The following RALGAPA1 variants were observed in gnomAD, a reference collection of about 807,000 sequenced individuals.
The protein encoded by RALGAPA1 is ral GTPase-activating protein subunit alpha-1.
RALGAPA1 carries 52 observed loss-of-function variants against 269.6 expected under a neutral mutation model. The ratio of observed to expected loss-of-function variants is 0.19; its 90% CI spans 0.15 to 0.24. RALGAPA1 has a LOEUF of 0.24. Among genes scored for constraint, RALGAPA1 ranks in the 10% least tolerant of loss-of-function variants. RALGAPA1 has a pLI of 1.00. For missense variants in RALGAPA1, 1,917 were observed against 3,013.9 expected (o/e 0.64, Z 8.52); for synonymous variants, 817 against 1,008.3 (o/e 0.81, Z 3.60).
intron 35 of RALGAPA1, among the ~76,000 whole-genome samples, chr14:35,611,535 C>T (rs1013136831): frequency 6.6e-6 from 1 of 151,054 alleles, no homozygotes; most frequent in Non-Finnish European, 1.5e-5. Flanking sequence ...GAAAAACACC[C>T]AGCCTGGGCA....
At chr14:35,554,597 C>T (rs977562817) in intron 39 of RALGAPA1, among the ~76,000 whole-genome samples, 2 of 151,976 alleles carry the variant, frequency 1.3e-5, no homozygotes, top group East Asian at 3.9e-4. Flanking sequence ...CCGCCCGCCT[C>T]GGCCTCCCAA....
intron 17 of RALGAPA1, among the ~76,000 whole-genome samples, chr14:35,697,695 G>A (rs916195530): frequency 6.6e-6 from 1 of 151,426 alleles, no homozygotes; most frequent in Non-Finnish European, 1.5e-5. Context: ...CCTTTGGTAT[G>A]TTGATTTGCA....
chr14:35,754,593 T>C (rs2073012181), intron 7 of RALGAPA1, among the ~76,000 whole-genome samples: 1 of 152,182 alleles, frequency 6.6e-6, no homozygotes, highest in South Asian at 2.1e-4. Context: ...GTGAAGCAAT[T>C]GTATAAGTCT....
Position 35,627,944 on chromosome 14 carries a change from A to C in RALGAPA1, c.6003T>G (p.Thr2001=). Residue 2001 remains threonine (T), a synonymous_variant, in exon 34 of 42, where the codon ACT becomes ACG. Coordinates refer to ENST00000680220, the MANE Select transcript of RALGAPA1 (RefSeq NM_001346249.2). ...SKLQPVTEVK[T]QMQHGLISIA... Reference sequence around the variant, plus strand: ...TAGAGATTAATCCATGCTGCATTTGAGTTTTCACTGGAAATAAAAAATATA... The same window carrying C: ...TAGAGATTAATCCATGCTGCATTTGCGTTTTCACTGGAAATAAAAAATATA... The C allele has an allele frequency of 6.5e-7, 1 of 1,544,672 alleles. No individual in the cohort carries two copies.
Position 35,581,595 on chromosome 14 carries a change from G to A in RALGAPA1, c.7210-8877C>T, listed in dbSNP as rs79198029. Among the ~76,000 whole-genome samples the A allele has an allele frequency of 3.7e-3, 569 of 152,154 alleles. 2 individuals are homozygous for A. The highest frequency in any genetic ancestry group is 0.013 in the African/African-American group (540 of 41,538). On this transcript the variant is annotated intron_variant, in intron 37 of 41. Coordinates refer to ENST00000680220, the MANE Select transcript of RALGAPA1 (RefSeq NM_001346249.2). ...AGAGAAAATAAGACATTTCTCCAAA[G>A]AGTATATACAAATAGGCAATAAGCA...
At position 35,721,688 on chromosome 14, in the gene RALGAPA1, C is replaced by T. The variant is rs778071028; in HGVS notation, c.2266G>A (p.Ala756Thr). The change falls in exon 16 of 42, where the codon GCC (alanine) becomes ACC (threonine). Residue 756 changes from alanine (A) to threonine (T), a missense_variant and splice_region_variant. By Grantham distance (58) the Ala-to-Thr change is moderately conservative. Transcript: ENST00000680220. Reference sequence around the variant, plus strand: ...TCTCATGATTTTCAAGAGTACATACCGACAGTTTTTTGCCGTACTATACTC... The same window carrying T: ...TCTCATGATTTTCAAGAGTACATACTGACAGTTTTTTGCCGTACTATACTC... ...ARSIVRQKTVAMRSRSIGECA... is the reference protein window; with the variant it reads ...ARSIVRQKTVTMRSRSIGECA... 2.8e-5 allele frequency: 45 copies of T among 1,611,956 alleles called. No homozygotes were observed. The highest frequency in any genetic ancestry group is 2.2e-4 in the Admixed American group (13 of 59,870).
At chr14:35,721,871 CT>C in intron 15 of RALGAPA1, 22 bp from the exon 16 acceptor site, 2 of 1,597,370 alleles carry the variant, frequency 1.3e-6, no homozygotes, top group Non-Finnish European at 1.7e-6. Flanking sequence ...GATTTTCAAT[CT>C]CAATATACTG....
intron 37 of RALGAPA1, among the ~76,000 whole-genome samples, chr14:35,586,100 T>G (rs550334860): frequency 2.0e-5 from 3 of 152,324 alleles, no homozygotes; most frequent in Non-Finnish European, 4.4e-5. Flanking sequence ...AATGTTCTTC[T>G]ATTTGTTTGT....
At chr14:35,768,423 C>T (rs1463448957) in intron 4 of RALGAPA1, among the ~76,000 whole-genome samples, 1 of 152,152 alleles carries the variant, frequency 6.6e-6, no homozygotes, top group Non-Finnish European at 1.5e-5. Flanking sequence ...AGTATGATGG[C>T]TCACACCTGT....
At chr14:35,729,321 C>A (rs573738800) in intron 12 of RALGAPA1, among the ~76,000 whole-genome samples, 14 of 152,078 alleles carry the variant, frequency 9.2e-5, no homozygotes, top group African/African-American at 3.4e-4. Flanking sequence ...GCATTCAACA[C>A]TTATGACTGA....
intron 1 of RALGAPA1, among the ~76,000 whole-genome samples, chr14:35,790,821 T>G (rs1003042776): frequency 6.6e-6 from 1 of 152,180 alleles, no homozygotes; most frequent in Non-Finnish European, 1.5e-5. Flanking sequence ...CATATTAAAC[T>G]TTTTGTTAAA....
intron 12 of RALGAPA1, among the ~76,000 whole-genome samples, chr14:35,737,612 A>G (rs2141107949): frequency 6.6e-6 from 1 of 151,684 alleles, no homozygotes; most frequent in East Asian, 1.9e-4. Flanking sequence ...CAAAAAAATT[A>G]GCCAGGCGTG....
intron 1 of RALGAPA1, among the ~76,000 whole-genome samples, chr14:35,792,846 A>G (rs564055141): frequency 1.7e-4 from 24 of 141,058 alleles, no homozygotes; most frequent in Middle Eastern, 3.8e-3. Context: ...AAAGAAAGAT[A>G]GATTGTGACA....
intron 1 of RALGAPA1, among the ~76,000 whole-genome samples, chr14:35,807,463 A>C (rs931669408): frequency 1.3e-5 from 2 of 152,180 alleles, no homozygotes; most frequent in Non-Finnish European, 2.9e-5. Context: ...TGTGACAAAG[A>C]TTAGCTGTCA....
intron 37 of RALGAPA1, among the ~76,000 whole-genome samples, chr14:35,583,369 T>C (rs2058074624): frequency 6.6e-6 from 1 of 151,804 alleles, no homozygotes. Flanking sequence ...GAGGAAAGAA[T>C]CTCTGAGCTT....
chr14:35,806,229 T>C (rs553704727), intron 1 of RALGAPA1, among the ~76,000 whole-genome samples: 10 of 152,354 alleles, frequency 6.6e-5, no homozygotes, highest in Middle Eastern at 3.4e-3. Flanking sequence ...AGGACTGAAC[T>C]GTTAGCTGTA....
chr14:35,645,690 G>T (rs1291007007), intron 31 of RALGAPA1, among the ~76,000 whole-genome samples: 1 of 150,428 alleles, frequency 6.6e-6, no homozygotes, highest in Non-Finnish European at 1.5e-5. Context: ...AGATCGCGCC[G>T]GGGCACTCCA....
At chr14:35,674,796 A>C (rs983894818) in intron 22 of RALGAPA1, 87 bp from the exon 23 acceptor site, 1 of 611,952 alleles carries the variant, frequency 1.6e-6, no homozygotes, top group Non-Finnish European at 2.8e-6. Flanking sequence ...TAACAATCTT[A>C]AATATCTACA....
chr14:35,741,761 T>C (rs2071574970), intron 11 of RALGAPA1, among the ~76,000 whole-genome samples: 1 of 152,218 alleles, frequency 6.6e-6, no homozygotes, highest in African/African-American at 2.4e-5. Context: ...TGACAAAGGT[T>C]GAACAATCAA....
Sources: gnomAD v4.1 joint callset for allele counts (sites outside exome capture counted in the v4.1 genomes callset) on GRCh38, gnomAD v4.1.1 for gene constraint, MANE v1.5 for transcripts, NCBI Gene and HGNC (gene_info 2026-07-23, HGNC 2026-07-21) for gene names.